The following GGTA1 variants were observed in gnomAD, a reference collection of about 807,000 sequenced individuals.
The protein encoded by GGTA1 is glycoprotein alpha-galactosyltransferase 1 (inactive), also known as inactive N-acetyllactosaminide alpha-1,3-galactosyltransferase.
Under a neutral mutation model 2.6 loss-of-function variants are expected in GGTA1, and 5 were observed. The observed-to-expected ratio is 1.92, with a 90% CI of 1.00 to 4.04. The LOEUF is 4.04. Ranked by LOEUF, GGTA1 falls within the 30% of genes most tolerant of loss-of-function variation. The pLI, the probability that GGTA1 is intolerant of heterozygous loss-of-function variation, is 0.00. For synonymous variants in GGTA1, 17 were observed against 5.0 expected (o/e 3.38, Z -3.19); for missense variants, 50 against 16.7 (o/e 2.99, Z -3.47).
intron 1 of GGTA1, among the ~76,000 whole-genome samples, chr9:121,479,569 A>C (rs1828590458): frequency 6.6e-6 from 1 of 152,110 alleles, no homozygotes; most frequent in Non-Finnish European, 1.5e-5. Context: ...AAAGGCCACC[A>C]CCCACCCTTG....
At chr9:121,466,266 T>G (rs1023242369) in intron 2 of GGTA1, among the ~76,000 whole-genome samples, 3 of 151,884 alleles carry the variant, frequency 2.0e-5, no homozygotes, top group African/African-American at 7.3e-5. Context: ...AAGAACAGAG[T>G]GGCTGAGCAA....
intron 1 of GGTA1, among the ~76,000 whole-genome samples, chr9:121,486,939 G>A (rs568966593): frequency 4.6e-5 from 7 of 152,256 alleles, no homozygotes; most frequent in South Asian, 4.2e-4. Context: ...ACCCCTATTT[G>A]CTCTTCGGAC....
intron 1 of GGTA1, among the ~76,000 whole-genome samples, chr9:121,475,593 A>C (rs1160277638): frequency 6.6e-6 from 1 of 152,146 alleles, no homozygotes; most frequent in African/African-American, 2.4e-5. Flanking sequence ...CTGCTCTGCC[A>C]TGGATTCATT....
At chr9:121,469,343 G>A (rs1385959121) in intron 1 of GGTA1, among the ~76,000 whole-genome samples, 1 of 152,174 alleles carries the variant, frequency 6.6e-6, no homozygotes, top group East Asian at 1.9e-4. Flanking sequence ...TAAACAGACA[G>A]CATTAAAGAA....
intron 1 of GGTA1, among the ~76,000 whole-genome samples, chr9:121,472,646 A>G (rs1030498244): frequency 6.6e-6 from 1 of 152,230 alleles, no homozygotes; most frequent in Non-Finnish European, 1.5e-5. Flanking sequence ...ATGCCTCAGA[A>G]GTGGGATGTG....
At chr9:121,493,331 G>A (rs1216114738) in intron 1 of GGTA1, among the ~76,000 whole-genome samples, 1 of 151,972 alleles carries the variant, frequency 6.6e-6, no homozygotes, top group Admixed American at 6.6e-5. Context: ...TGTGCCCACC[G>A]AGGGCTCCAA....
At chr9:121,451,548 G>T (rs746619772), downstream of GGTA1, among the ~76,000 whole-genome samples, 7 of 152,182 alleles carry the variant, frequency 4.6e-5, no homozygotes, top group African/African-American at 9.7e-5. Flanking sequence ...CTGAACAAGG[G>T]AGTTGAAACT....
At chr9:121,472,763 C>T (rs924936441) in intron 1 of GGTA1, among the ~76,000 whole-genome samples, 1 of 152,156 alleles carries the variant, frequency 6.6e-6, no homozygotes, top group Admixed American at 6.5e-5. Context: ...CCAACCCCAC[C>T]TGCTGAGGAT....
At chr9:121,484,399 GC>G (rs1225816766) in intron 1 of GGTA1, among the ~76,000 whole-genome samples, 1 of 151,376 alleles carries the variant, frequency 6.6e-6, no homozygotes, top group African/African-American at 2.4e-5. Context: ...TCGCTCTGTC[GC>G]CCAGGCTGAA....
At chr9:121,481,025 CA>C (rs1184933777) in intron 1 of GGTA1, among the ~76,000 whole-genome samples, 1 of 151,698 alleles carries the variant, frequency 6.6e-6, no homozygotes, top group Non-Finnish European at 1.5e-5. Context: ...TGGTGGCAGG[CA>C]CCTGTAGTCC....
chr9:121,490,933 A>G (rs1326902343), intron 1 of GGTA1, among the ~76,000 whole-genome samples: 1 of 152,164 alleles, frequency 6.6e-6, no homozygotes, highest in African/African-American at 2.4e-5. Flanking sequence ...TCCTATGTTG[A>G]ATTTTCATGC....
At chr9:121,448,372 G>T (rs1362185999) in intron 7 of GGTA1, among the ~76,000 whole-genome samples, 1 of 152,170 alleles carries the variant, frequency 6.6e-6, no homozygotes, top group Non-Finnish European at 1.5e-5. Context: ...GTGATACAGA[G>T]AATGAGTTAT....
intron 1 of GGTA1, among the ~76,000 whole-genome samples, chr9:121,494,109 C>T (rs928043553): frequency 6.6e-6 from 1 of 152,146 alleles, no homozygotes; most frequent in Non-Finnish European, 1.5e-5. Context: ...CACTCACTCT[C>T]TGAGTTAGAC....
chr9:121,481,278 A>AT (rs1828642888), intron 1 of GGTA1, among the ~76,000 whole-genome samples: 1 of 152,172 alleles, frequency 6.6e-6, no homozygotes, highest in African/African-American at 2.4e-5. Context: ...AGCAATGAGA[A>AT]TGAGCGAGCT....
intron 1 of GGTA1, among the ~76,000 whole-genome samples, chr9:121,477,116 CTG>C (rs1456125968): frequency 6.6e-6 from 1 of 152,258 alleles, no homozygotes; most frequent in Non-Finnish European, 1.5e-5. Context: ...GTCTGCCTCA[CTG>C]TGCCTAGCAA....
At chr9:121,481,414 C>T (rs893783696) in intron 1 of GGTA1, among the ~76,000 whole-genome samples, 17 of 151,728 alleles carry the variant, frequency 1.1e-4, no homozygotes, top group Admixed American at 5.2e-4. Context: ...TGGCAGGGGG[C>T]GGTGGCTCAT....
downstream of GGTA1, among the ~76,000 whole-genome samples, chr9:121,453,799 G>T (rs2064891171): frequency 6.6e-6 from 1 of 152,214 alleles, no homozygotes; most frequent in Non-Finnish European, 1.5e-5. Context: ...CATCAGCAAA[G>T]TTGGGTTTTT....
intron 1 of GGTA1, among the ~76,000 whole-genome samples, chr9:121,473,791 C>T (rs900850168): frequency 9.9e-5 from 15 of 152,034 alleles, no homozygotes; most frequent in African/African-American, 3.4e-4. Context: ...ATGGTGCATA[C>T]CTGTAGTCCC....
At chr9:121,482,903 A>G (rs1350019776) in intron 1 of GGTA1, among the ~76,000 whole-genome samples, 2 of 152,326 alleles carry the variant, frequency 1.3e-5, no homozygotes, top group South Asian at 2.1e-4. Flanking sequence ...GTGAGCCAAG[A>G]TCGCTCCACT....
Sources: allele counts gnomAD v4.1 joint callset (sites outside exome capture counted in the v4.1 genomes callset), GRCh38; gene constraint gnomAD v4.1.1; transcripts MANE v1.5; gene names NCBI Gene and HGNC (gene_info 2026-07-23, HGNC 2026-07-21).